ARHGAP25: variants seen among roughly 807,000 people sequenced by gnomAD.
The protein encoded by ARHGAP25 is Rho GTPase activating protein 25.
In ARHGAP25, 34 loss-of-function variants were observed where a neutral mutation model predicts 71.0. That is an observed-to-expected ratio of 0.48 (90% CI 0.36 to 0.64). ARHGAP25 has a LOEUF of 0.64. Ranked by LOEUF, ARHGAP25 falls within the 30% of genes least tolerant of loss-of-function variation. ARHGAP25 has a pLI of 0.00. For synonymous variants in ARHGAP25, 282 were observed against 296.5 expected, an observed-to-expected ratio of 0.95 and a Z score of 0.50; for missense variants, 706 against 805.1, an observed-to-expected ratio of 0.88 and a Z score of 1.49.
intron 3 of ARHGAP25, 125 bp from the exon 4 acceptor site, chr2:68,787,715 G>A: frequency 1.3e-6 from 1 of 753,508 alleles, no homozygotes; most frequent in Non-Finnish European, 2.4e-6. Context: ...CAATGCATTT[G>A]TGTTGTTTGG....
intron 10 of ARHGAP25, among the ~76,000 whole-genome samples, chr2:68,824,550 G>A (rs1261290712): frequency 6.6e-6 from 1 of 152,162 alleles, no homozygotes; most frequent in Non-Finnish European, 1.5e-5. Context: ...AGACCATCCT[G>A]GCTAACACGG....
chr2:68,718,231 C>G (rs1303373695), intron 2 of ARHGAP25, among the ~76,000 whole-genome samples: 1 of 152,086 alleles, frequency 6.6e-6, no homozygotes, highest in Non-Finnish European at 1.5e-5. Context: ...AAAGTCTGAT[C>G]CAGAGACCAG....
chr2:68,752,871 A>AC (rs1281583450), intron 1 of ARHGAP25, among the ~76,000 whole-genome samples: 8 of 150,950 alleles, frequency 5.3e-5, no homozygotes, highest in East Asian at 1.9e-4. Flanking sequence ...GTATATATAC[A>AC]AAGAGAGAGA....
intron 4 of ARHGAP25, among the ~76,000 whole-genome samples, chr2:68,799,526 T>G (rs1294500312): frequency 6.6e-6 from 1 of 152,242 alleles, no homozygotes; most frequent in African/African-American, 2.4e-5. Flanking sequence ...AATTCTGTGT[T>G]TCTGCCAGAC....
intron 2 of ARHGAP25, among the ~76,000 whole-genome samples, chr2:68,712,178 T>A (rs1198817739): frequency 1.3e-5 from 2 of 152,236 alleles, no homozygotes; most frequent in Non-Finnish European, 2.9e-5. Flanking sequence ...TAGCATCTGT[T>A]GTTTCCTGAC....
intron 9 of ARHGAP25, among the ~76,000 whole-genome samples, chr2:68,821,358 C>T (rs1459451067): frequency 6.6e-6 from 1 of 152,166 alleles, no homozygotes; most frequent in Non-Finnish European, 1.5e-5. Context: ...CCTCAGCCTC[C>T]CAAAGTGCTG....
chr2:68,777,327 T>A (rs1344068932), intron 2 of ARHGAP25, among the ~76,000 whole-genome samples: 1 of 152,208 alleles, frequency 6.6e-6, no homozygotes, highest in Non-Finnish European at 1.5e-5. Flanking sequence ...CCACCACTAT[T>A]TGGCCCTGTA....
At chr2:68,771,442 A>G (rs1171684785) in intron 1 of ARHGAP25, among the ~76,000 whole-genome samples, 1 of 152,198 alleles carries the variant, frequency 6.6e-6, no homozygotes, top group East Asian at 1.9e-4. Context: ...ATAGTAACAG[A>G]TCTCTTTGTT....
At chr2:68,800,619 T>C (rs574157103) in intron 4 of ARHGAP25, among the ~76,000 whole-genome samples, 140 of 152,312 alleles carry the variant, frequency 9.2e-4, no homozygotes, top group Non-Finnish European at 1.7e-3. Flanking sequence ...TGAACTTTTA[T>C]TCCATTAGCT....
intron 5 of ARHGAP25, among the ~76,000 whole-genome samples, chr2:68,810,383 A>T (rs1459112447): frequency 2.0e-5 from 3 of 152,220 alleles, no homozygotes; most frequent in Non-Finnish European, 4.4e-5. Flanking sequence ...TTGTGTATTT[A>T]GGGAGGTCCC....
intron 1 of ARHGAP25, among the ~76,000 whole-genome samples, chr2:68,752,827 T>TA: frequency 6.6e-6 from 1 of 152,268 alleles, no homozygotes; most frequent in East Asian, 1.9e-4. Flanking sequence ...TACTATGCTT[T>TA]AAAAATTACA....
At chr2:68,778,648 CT>C (rs761901099) in intron 2 of ARHGAP25, among the ~76,000 whole-genome samples, 5 of 152,116 alleles carry the variant, frequency 3.3e-5, no homozygotes, top group Non-Finnish European at 5.9e-5. Context: ...TACAACCTTT[CT>C]AGAAAGTCAT....
At chr2:68,786,769 T>C (rs964365981) in intron 3 of ARHGAP25, among the ~76,000 whole-genome samples, 1 of 152,210 alleles carries the variant, frequency 6.6e-6, no homozygotes, top group Non-Finnish European at 1.5e-5. Flanking sequence ...TTTCCTGCCC[T>C]GCAGGGAAAT....
chr2:68,761,195 A>T (rs1371984715), intron 1 of ARHGAP25, among the ~76,000 whole-genome samples: 1 of 152,068 alleles, frequency 6.6e-6, no homozygotes, highest in Non-Finnish European at 1.5e-5. Context: ...ATGCAAAATA[A>T]TAAAGTTAGG....
intron 2 of ARHGAP25, among the ~76,000 whole-genome samples, chr2:68,717,353 C>T (rs1445907618): frequency 6.6e-6 from 1 of 152,162 alleles, no homozygotes; most frequent in Non-Finnish European, 1.5e-5. Flanking sequence ...AATCAGGGAC[C>T]TCTATGTTAA....
At chr2:68,792,502 A>C (rs1477064752) in intron 4 of ARHGAP25, among the ~76,000 whole-genome samples, 2 of 152,186 alleles carry the variant, frequency 1.3e-5, no homozygotes, top group Non-Finnish European at 2.9e-5. Flanking sequence ...AAGTCAGAAC[A>C]TGTGATATCT....
At chr2:68,806,668 A>G (rs1200782460) in intron 4 of ARHGAP25, among the ~76,000 whole-genome samples, 1 of 152,230 alleles carries the variant, frequency 6.6e-6, no homozygotes, top group Non-Finnish European at 1.5e-5. Flanking sequence ...GCTACTCAGA[A>G]TGACATGCAA....
rs747075649 is a variant in ARHGAP25 at position 68,813,400 on chromosome 2, C to T, written c.788C>T (p.Thr263Met). 6.2e-6 allele frequency: 10 copies of T among 1,612,582 alleles called. No homozygotes were observed. The Admixed American group carries it at 1.2e-4, about 19-fold the overall frequency. ...GGGTTCCTGCTCTGTGGGCAGCTCACGAATGCGGATGAGGCAAAGGTTTGC... is the reference window on the plus strand; with the variant it reads ...GGGTTCCTGCTCTGTGGGCAGCTCATGAATGCGGATGAGGCAAAGGTTTGC... ...YEGFLLCGQL[T>M]NADEAKAQQE... Residue 263 changes from threonine to methionine, a missense_variant, in exon 6 of 11, where the codon ACG becomes ATG. Thr to Met is a moderately conservative substitution (Grantham distance 81). Transcript: ENST00000409202.
chr2:68,783,940 A>T (rs911877041), intron 3 of ARHGAP25, among the ~76,000 whole-genome samples: 4 of 152,212 alleles, frequency 2.6e-5, no homozygotes, highest in African/African-American at 9.6e-5. Context: ...CATCCATGGT[A>T]ACATGTGTGT....
Sources: gnomAD v4.1 joint callset for allele counts (sites outside exome capture counted in the v4.1 genomes callset) on GRCh38, gnomAD v4.1.1 for gene constraint, MANE v1.5 for transcripts, NCBI Gene and HGNC (gene_info 2026-07-23, HGNC 2026-07-21) for gene names.